LARGE1: variants seen among roughly 807,000 people sequenced by gnomAD.
LARGE1 encodes LARGE xylosyl- and glucuronyltransferase 1, also known as xylosyl- and glucuronyltransferase LARGE1.
Under a neutral mutation model 87.6 loss-of-function variants are expected in LARGE1, and 43 were observed. The ratio of observed to expected loss-of-function variants is 0.49; its 90% CI spans 0.38 to 0.63. LARGE1 has a LOEUF of 0.63. LARGE1 is among the 30% of genes least tolerant of loss of function. The pLI, the probability that LARGE1 is intolerant of heterozygous loss-of-function variation, is 0.00. For synonymous variants in LARGE1, 434 were observed against 394.6 expected, an observed-to-expected ratio of 1.10 and a Z score of -1.18; for missense variants, 802 against 1,000.2, an observed-to-expected ratio of 0.80 and a Z score of 2.67.
At position 33,327,605 on chromosome 22, in the gene LARGE1, G is replaced by C. The variant is rs538746238; in HGVS notation, c.1287+10041C>G. ...GGGTCTTGCTCTGTCGCTCAGGCTA[G>C]AGTGTGGTGGTGCCGTCTCGATTCA... is the stretch of plus-strand genomic sequence containing the variant. On this transcript the variant is annotated intron_variant, in intron 10 of 14. Transcript: ENST00000397394. Among the ~76,000 whole-genome samples the C allele has an allele frequency of 3.3e-4, 50 of 152,300 alleles. No individual in the cohort carries two copies. In the South Asian group the frequency reaches 1.0e-2, roughly 30 times the overall value.
At chr22:33,252,885 T>C (rs1927074936) in intron 11 of LARGE1, among the ~76,000 whole-genome samples, 1 of 152,246 alleles carries the variant, frequency 6.6e-6, no homozygotes, top group Non-Finnish European at 1.5e-5. Flanking sequence ...AGGGTTTGTG[T>C]AACGTCATCA....
intron 1 of LARGE1, among the ~76,000 whole-genome samples, chr22:33,915,992 G>T (rs1332427877): frequency 6.6e-6 from 1 of 152,100 alleles, no homozygotes; most frequent in Admixed American, 6.5e-5. Flanking sequence ...AATAATAGTT[G>T]AATGTCTGGC....
At chr22:33,498,969 C>G (rs1009453543) in intron 6 of LARGE1, among the ~76,000 whole-genome samples, 7 of 151,614 alleles carry the variant, frequency 4.6e-5, no homozygotes, top group Admixed American at 3.9e-4. Flanking sequence ...GAGATTCCGT[C>G]TCAAAAAAAT....
intron 6 of LARGE1, among the ~76,000 whole-genome samples, chr22:33,501,538 G>A (rs774201030): frequency 6.6e-6 from 1 of 152,190 alleles, no homozygotes; most frequent in Non-Finnish European, 1.5e-5. Flanking sequence ...ACTGCCCACT[G>A]GCAGCCCTCG....
chr22:33,373,548 T>C (rs956706362), intron 9 of LARGE1, among the ~76,000 whole-genome samples: 3 of 152,214 alleles, frequency 2.0e-5, no homozygotes, highest in Non-Finnish European at 4.4e-5. Flanking sequence ...TTTCAGGTCA[T>C]ACATCATTGC....
At chr22:33,564,577 T>C (rs1333230314) in intron 6 of LARGE1, among the ~76,000 whole-genome samples, 1 of 152,172 alleles carries the variant, frequency 6.6e-6, no homozygotes, top group Non-Finnish European at 1.5e-5. Flanking sequence ...ATGTGAACAC[T>C]CCGCTATCTG....
At chr22:33,734,822 G>A (rs752409676) in intron 2 of LARGE1, among the ~76,000 whole-genome samples, 1 of 152,016 alleles carries the variant, frequency 6.6e-6, no homozygotes, top group Non-Finnish European at 1.5e-5. Flanking sequence ...AGAGTAAGGG[G>A]TTCAGAGACA....
At chr22:33,376,555 C>T (rs1320043439) in intron 9 of LARGE1, among the ~76,000 whole-genome samples, 2 of 152,118 alleles carry the variant, frequency 1.3e-5, no homozygotes, top group African/African-American at 2.4e-5. Context: ...CTGTAGACAG[C>T]TTTTTTTCAA....
rs1180999722 is a variant in LARGE1 at position 33,890,787 on chromosome 22, T to C, written c.-83+29208A>G. Among the ~76,000 whole-genome samples the C allele has an allele frequency of 4.0e-5, 4 of 100,564 alleles. No homozygotes were observed. The Admixed American group carries it at 5.9e-4, about 15-fold the overall frequency. 66.0% of individuals were successfully genotyped at this position (100,564 alleles called of 152,430 possible). A position where few individuals can be genotyped will look rare whatever the true frequency, so the allele number is the denominator to read the frequency against. On this transcript the variant is annotated intron_variant, in intron 1 of 14. Coordinates refer to ENST00000397394, the MANE Select transcript of LARGE1 (RefSeq NM_133642.5). ...GTTCAGGACAGAGGAGGTCATAATT[T>C]TGGGGTGGGGGCGGGGGGGTGCTGC...
chr22:33,427,325 GC>G lies in LARGE1; in HGVS notation c.892+4835del, dbSNP rs2066914197. On this transcript the variant is annotated intron_variant, in intron 7 of 14. Coordinates refer to ENST00000397394, the MANE Select transcript of LARGE1 (RefSeq NM_133642.5). ...GGATCTGCCTGGTTATCCATCCGAA[GC>G]TGCGGTGGCTCAGTAGCTTCTGGAA... Among the ~76,000 whole-genome samples the G allele has an allele frequency of 4.6e-5, 7 of 152,346 alleles. No individual in the cohort carries two copies. The South Asian group carries it at 8.3e-4, about 18-fold the overall frequency.
intron 5 of LARGE1, among the ~76,000 whole-genome samples, chr22:33,603,618 T>C (rs972889407): frequency 6.6e-6 from 1 of 151,986 alleles, no homozygotes; most frequent in Non-Finnish European, 1.5e-5. Flanking sequence ...AAATATCAGA[T>C]GGAAGGAACA....
chr22:33,554,141 A>C (rs930604246), intron 6 of LARGE1, among the ~76,000 whole-genome samples: 3 of 152,100 alleles, frequency 2.0e-5, no homozygotes, highest in African/African-American at 7.2e-5. Context: ...CCTCCTCATG[A>C]GTTCTGCTCA....
chr22:33,248,346 C>A (rs1319239462), intron 11 of LARGE1, among the ~76,000 whole-genome samples: 1 of 152,150 alleles, frequency 6.6e-6, no homozygotes, highest in Admixed American at 6.5e-5. Context: ...TGCCACCACA[C>A]CTAGCTAATT....
chr22:33,650,244 C>G (rs555549682), intron 3 of LARGE1, 123 bp downstream of exon 3: 99 of 1,239,958 alleles, frequency 8.0e-5, no homozygotes, highest in Middle Eastern at 2.7e-4. Context: ...GACTTACACA[C>G]CCGGGCTAGA....
the LARGE1 span, among the ~76,000 whole-genome samples, chr22:33,129,309 A>G: frequency 1.3e-5 from 2 of 152,278 alleles, no homozygotes; most frequent in Admixed American, 1.3e-4. Context: ...TCAGGTTTTT[A>G]TCTTAATTGT....
chr22:33,631,782 G>T (rs1282518307), intron 3 of LARGE1, among the ~76,000 whole-genome samples: 2 of 152,204 alleles, frequency 1.3e-5, no homozygotes, highest in African/African-American at 4.8e-5. Flanking sequence ...ATTATGTACT[G>T]TACATAATTG....
chr22:33,708,196 C>A (rs1041358415), intron 2 of LARGE1, among the ~76,000 whole-genome samples: 2 of 152,094 alleles, frequency 1.3e-5, no homozygotes, highest in Non-Finnish European at 2.9e-5. Context: ...GTGAGTCCAG[C>A]CTCCACGGAC....
intron 3 of LARGE1, among the ~76,000 whole-genome samples, chr22:33,645,758 T>C (rs1050359252): frequency 9.9e-5 from 15 of 151,870 alleles, no homozygotes; most frequent in Non-Finnish European, 7.4e-5. Context: ...AAAAAACAAA[T>C]GACCCCATCA....
chr22:33,716,268 T>C (rs778876509), intron 2 of LARGE1, among the ~76,000 whole-genome samples: 1 of 152,222 alleles, frequency 6.6e-6, no homozygotes, highest in African/African-American at 2.4e-5. Flanking sequence ...ATTTAGGATA[T>C]ATTTATACTA....
Sources: allele counts gnomAD v4.1 joint callset (sites outside exome capture counted in the v4.1 genomes callset), GRCh38; gene constraint gnomAD v4.1.1; transcripts MANE v1.5; gene names NCBI Gene and HGNC (gene_info 2026-07-23, HGNC 2026-07-21).